The following DNAAF10 variants were observed in gnomAD, a reference collection of about 807,000 sequenced individuals.
DNAAF10 encodes dynein axonemal assembly factor 10, also known as WD repeat domain 92.
A neutral mutation model predicts 43.7 loss-of-function variants in DNAAF10; 28 were observed. The observed-to-expected ratio is 0.64, with a 90% CI of 0.48 to 0.88. DNAAF10 has a LOEUF of 0.88. Ranked by LOEUF, DNAAF10 falls within the 40% of genes least tolerant of loss-of-function variation. DNAAF10 has a pLI of 0.00. For missense variants in DNAAF10, 403 were observed against 439.1 expected (o/e 0.92, Z 0.73); for synonymous variants, 156 against 157.3 (o/e 0.99, Z 0.06).
At position 68,141,710 on chromosome 2, in the gene DNAAF10, A is replaced by G; in HGVS notation, c.501T>C (p.Cys167=). The G allele has an allele frequency of 6.2e-7, 1 of 1,614,064 alleles. No individual in the cohort carries two copies. The highest frequency in any genetic ancestry group is 1.1e-5 in the South Asian group (1 of 91,028). The change falls in exon 4 of 8, where the codon TGT becomes TGC. Residue 167 remains cysteine, a synonymous_variant. Transcript: ENST00000295121. ...EPVQGENKRD[C]WTVAFGNAYN... ...ATAATTTACCAAATGCCACAGTCCAACAGTCTCTCTTGTTTTCTCCTTGTA... is the reference window on the plus strand; with the variant it reads ...ATAATTTACCAAATGCCACAGTCCAGCAGTCTCTCTTGTTTTCTCCTTGTA...
chr2:68,134,513 C>T (rs1242913793), intron 7 of DNAAF10, 189 bp downstream of exon 7: 4 of 1,417,300 alleles, frequency 2.8e-6, no homozygotes, highest in South Asian at 1.6e-5. Flanking sequence ...GATTAGTGTA[C>T]ACTCTACTAA....
intron 1 of DNAAF10, among the ~76,000 whole-genome samples, chr2:68,151,048 T>G (rs1673446090): frequency 6.6e-6 from 1 of 152,234 alleles, no homozygotes; most frequent in Non-Finnish European, 1.5e-5. Flanking sequence ...TCTATACATT[T>G]TCACAGTTGT....
intron 4 of DNAAF10, among the ~76,000 whole-genome samples, chr2:68,139,135 T>G (rs1415243789): frequency 1.3e-5 from 2 of 152,200 alleles, no homozygotes; most frequent in African/African-American, 4.8e-5. Context: ...AGGTGGGGCC[T>G]GATGGGAGGT....
intron 1 of DNAAF10, among the ~76,000 whole-genome samples, chr2:68,153,472 T>G (rs1427704046): frequency 6.6e-6 from 1 of 152,038 alleles, no homozygotes; most frequent in Non-Finnish European, 1.5e-5. Flanking sequence ...AGCTCAATGG[T>G]TCTCAGCTCT....
At chr2:68,135,266 G>A (rs1354831159) in intron 6 of DNAAF10, among the ~76,000 whole-genome samples, 1 of 152,096 alleles carries the variant, frequency 6.6e-6, no homozygotes, top group Non-Finnish European at 1.5e-5. Flanking sequence ...TACATAGACT[G>A]AATTTTAACT....
chr2:68,144,339 T>C (rs1673262147), intron 3 of DNAAF10, among the ~76,000 whole-genome samples: 4 of 152,356 alleles, frequency 2.6e-5, no homozygotes. Flanking sequence ...TCATTGTTAG[T>C]AGCTGAACCA....
chr2:68,141,472 A>G (rs557695592), intron 4 of DNAAF10, among the ~76,000 whole-genome samples: 17 of 152,368 alleles, frequency 1.1e-4, no homozygotes, highest in African/African-American at 3.6e-4. Flanking sequence ...CAAGGAACAG[A>G]TAACTTTGGT....
chr2:68,149,705 G>A (rs1673408385), intron 1 of DNAAF10, among the ~76,000 whole-genome samples: 1 of 152,108 alleles, frequency 6.6e-6, no homozygotes, highest in Non-Finnish European at 1.5e-5. Context: ...CACTATTAGG[G>A]CACAATTTCT....
intron 6 of DNAAF10, among the ~76,000 whole-genome samples, chr2:68,136,965 A>G (rs114857916): frequency 0.014 from 2,095 of 152,338 alleles, 51 homozygotes; most frequent in African/African-American, 0.047. Context: ...ATATATAACC[A>G]GGTATTAGCA....
intron 2 of DNAAF10, among the ~76,000 whole-genome samples, chr2:68,145,906 T>C (rs1036884680): frequency 3.3e-5 from 5 of 152,250 alleles, no homozygotes; most frequent in Non-Finnish European, 7.3e-5. Context: ...TGAATGTGAC[T>C]ATACATGAAA....
At chr2:68,152,180 A>C (rs1673473915) in intron 1 of DNAAF10, among the ~76,000 whole-genome samples, 1 of 152,250 alleles carries the variant, frequency 6.6e-6, no homozygotes, top group African/African-American at 2.4e-5. Context: ...TCATGTCTTT[A>C]CAAGATATAA....
chr2:68,157,527 CA>C, upstream of DNAAF10: 1 of 1,568,458 alleles, frequency 6.4e-7, no homozygotes, highest in South Asian at 1.1e-5. Flanking sequence ...CAAACATTGG[CA>C]ATTTGTCCCT....
At chr2:68,138,947 T>C (rs1200613036) in intron 4 of DNAAF10, 90 bp from the exon 5 acceptor site, 1 of 885,186 alleles carries the variant, frequency 1.1e-6, no homozygotes, top group Non-Finnish European at 1.8e-6. Flanking sequence ...AACATAAAAC[T>C]TATATTAAAT....
intron 3 of DNAAF10, among the ~76,000 whole-genome samples, chr2:68,143,882 T>A (rs7607262): frequency 0.041 from 6,256 of 152,270 alleles, 370 homozygotes; most frequent in African/African-American, 0.13. Context: ...AAGTGATTTC[T>A]AAAACACAGC....
At chr2:68,143,489 T>G (rs1227583411) in intron 3 of DNAAF10, among the ~76,000 whole-genome samples, 2 of 152,134 alleles carry the variant, frequency 1.3e-5, no homozygotes, top group East Asian at 3.8e-4. Context: ...AATAAATTTT[T>G]TAAAAAATCA....
intron 2 of DNAAF10, among the ~76,000 whole-genome samples, chr2:68,146,187 G>A (rs1249046057): frequency 6.6e-6 from 1 of 152,198 alleles, no homozygotes; most frequent in Admixed American, 6.5e-5. Flanking sequence ...ACTTGAAACC[G>A]GGAGGTGGAG....
At position 68,131,345 on chromosome 2, in the gene DNAAF10, G is replaced by A. The variant is rs781466776; in HGVS notation, c.967C>T (p.Pro323Ser). The A allele has an allele frequency of 4.0e-5, 65 of 1,614,008 alleles. No homozygotes were observed. Among genetic ancestry groups the A allele is most frequent in the Non-Finnish European group, 5.4e-5 (64 of 1,180,034 alleles). ...GGACTCCAATCCAAACTTGAAATGGGCTGGGTGGACAACGTAACATTCTGC... is the reference window on the plus strand; with the variant it reads ...GGACTCCAATCCAAACTTGAAATGGACTGGGTGGACAACGTAACATTCTGC... The part of the protein sequence containing the change: ...LLQNVTLSTQ[P>S]ISSLDWSPDK... Residue 323 changes from proline (P) to serine (S), a missense_variant, in exon 8 of 8, where the codon CCC becomes TCC. By Grantham distance (74) the Pro-to-Ser change is moderately conservative (BLOSUM62 -1). Coordinates refer to ENST00000295121, the MANE Select transcript of DNAAF10 (RefSeq NM_138458.4).
chr2:68,150,916 A>C (rs1558612652), intron 1 of DNAAF10, among the ~76,000 whole-genome samples: 2 of 152,282 alleles, frequency 1.3e-5, no homozygotes, highest in East Asian at 3.9e-4. Context: ...GACTACTCCA[A>C]TATTTTATGG....
intron 7 of DNAAF10, among the ~76,000 whole-genome samples, chr2:68,132,314 G>T (rs2103879838): frequency 6.6e-6 from 1 of 152,270 alleles, no homozygotes; most frequent in South Asian, 2.1e-4. Flanking sequence ...AAGCAGAATG[G>T]AAAGGGAAGA....
Sources: allele counts gnomAD v4.1 joint callset (sites outside exome capture counted in the v4.1 genomes callset), GRCh38; gene constraint gnomAD v4.1.1; transcripts MANE v1.5; gene names NCBI Gene and HGNC (gene_info 2026-07-23, HGNC 2026-07-21).